Variants in NALCN observed in about 807,000 individuals in gnomAD.
NALCN encodes sodium leak channel NALCN.
In NALCN, 111 loss-of-function variants were observed where a neutral mutation model predicts 225.3. That is an observed-to-expected ratio of 0.49 (90% confidence interval 0.42 to 0.58). The LOEUF (loss-of-function observed/expected upper bound fraction) is 0.58. Among genes scored for constraint, NALCN ranks in the 20% least tolerant of loss-of-function variants. The pLI, the probability that NALCN is intolerant of heterozygous loss-of-function variation, is 0.00. For missense variants in NALCN, 1,378 were observed against 2,202.4 expected (o/e 0.63, Z 7.49); for synonymous variants, 764 against 769.0 (o/e 0.99, Z 0.11).
chr13:101,204,262 G>T (rs2040234455), intron 13 of NALCN, among the ~76,000 whole-genome samples: 1 of 152,154 alleles, frequency 6.6e-6, no homozygotes, highest in African/African-American at 2.4e-5. Flanking sequence ...GATTTAGGAG[G>T]AAATAAAGTT....
At chr13:101,321,385 T>C (rs987095205) in intron 7 of NALCN, among the ~76,000 whole-genome samples, 14 of 152,276 alleles carry the variant, frequency 9.2e-5, no homozygotes, top group African/African-American at 3.4e-4. Context: ...TCAGTTACTA[T>C]AAAGGAATAG....
At chr13:101,363,643 T>C (rs2139373057) in intron 6 of NALCN, among the ~76,000 whole-genome samples, 1 of 152,044 alleles carries the variant, frequency 6.6e-6, no homozygotes, top group South Asian at 2.1e-4. Context: ...AAGAAAACAT[T>C]GGGTAAATGC....
intron 7 of NALCN, among the ~76,000 whole-genome samples, chr13:101,301,481 G>A (rs746514081): frequency 3.9e-5 from 6 of 152,104 alleles, no homozygotes; most frequent in African/African-American, 9.7e-5. Context: ...CCAGCACTTC[G>A]GGAGGCCAAG....
chr13:101,346,085 C>CTATATA (rs1164298684), intron 6 of NALCN, among the ~76,000 whole-genome samples: 113 of 80,356 alleles, frequency 1.4e-3, no homozygotes, highest in African/African-American at 2.9e-3. Flanking sequence ...CTCTCTCTCT[C>CTATATA]TCTATATATA....
In NALCN at chr13:101,124,602, T is replaced by C; in HGVS notation, c.2192+6A>G. The C allele has an allele frequency of 6.2e-7, 1 of 1,611,656 alleles. No individual in the cohort carries two copies. The highest frequency in any genetic ancestry group is 8.5e-7 in the Non-Finnish European group (1 of 1,178,286). The stretch of plus-strand genomic sequence containing the variant: ...TTAAATATGTGTCAACATTAATTGG[T>C]GTTACCTTAAGATTTTAGTGACTGC... On this transcript the variant is annotated splice_donor_region_variant and intron_variant, in intron 18 of 43. Transcript: ENST00000251127.
chr13:101,198,532 A>G (rs1318979812), intron 13 of NALCN, among the ~76,000 whole-genome samples: 1 of 152,248 alleles, frequency 6.6e-6, no homozygotes, highest in African/African-American at 2.4e-5. Context: ...CAACAGACAC[A>G]TGAAAAAATG....
chr13:101,231,536 TA>T (rs756070009), intron 12 of NALCN, among the ~76,000 whole-genome samples: 1 of 152,092 alleles, frequency 6.6e-6, no homozygotes, highest in African/African-American at 2.4e-5. Context: ...CTCTAAGAAA[TA>T]AAAAAATGCT....
chr13:101,153,492 T>C (rs2037752506), intron 15 of NALCN, among the ~76,000 whole-genome samples: 1 of 152,196 alleles, frequency 6.6e-6, no homozygotes, highest in African/African-American at 2.4e-5. Context: ...GTTGTAAAAA[T>C]GAAAACGAAA....
At chr13:101,358,865 T>TA (rs2139353705) in intron 6 of NALCN, among the ~76,000 whole-genome samples, 1 of 152,222 alleles carries the variant, frequency 6.6e-6, no homozygotes, top group African/African-American at 2.4e-5. Context: ...TATGCAGCCA[T>TA]AAAAAGAAAT....
chr13:101,236,950 T>TATAAA lies in NALCN; in HGVS notation c.1434+800_1434+804dup, dbSNP rs71642581. On this transcript the variant is annotated intron_variant, in intron 12 of 43. Transcript: ENST00000251127. ...TAAAATAAAATAAAAAATAAAATAA[T>TATAAA]ATAAAATAAAATAAAATAAAATAAA... Among the ~76,000 whole-genome samples the TATAAA allele has an allele frequency of 1.0e-4, 15 of 148,262 alleles. No homozygotes were observed. In the South Asian group the frequency reaches 1.3e-3, roughly 12 times the overall value.
chr13:101,396,309 T>G (rs1460905310), intron 2 of NALCN, among the ~76,000 whole-genome samples: 5 of 152,110 alleles, frequency 3.3e-5, no homozygotes, highest in Non-Finnish European at 5.9e-5. Flanking sequence ...CCACCACAAT[T>G]AATATTACCA....
chr13:101,092,837 A>C (rs1467121403), intron 28 of NALCN, among the ~76,000 whole-genome samples: 3 of 152,162 alleles, frequency 2.0e-5, no homozygotes, highest in Admixed American at 2.0e-4. Flanking sequence ...TTAACATTAC[A>C]TGGAGATGAG....
chr13:101,083,259 G>C (rs1163801169), intron 31 of NALCN, 61 bp from the exon 32 acceptor site: 4 of 1,355,002 alleles, frequency 3.0e-6, no homozygotes, highest in Non-Finnish European at 4.2e-6. Flanking sequence ...CTTTCTTGTC[G>C]TTTATTTTCT....
chr13:101,240,579 AATC>A (rs1417290655), intron 11 of NALCN, among the ~76,000 whole-genome samples: 6 of 152,100 alleles, frequency 3.9e-5, no homozygotes, highest in African/African-American at 1.4e-4. Context: ...TTTTGGAGTT[AATC>A]ATATGAATGC....
chr13:101,065,944 C>G (rs1465784390), intron 39 of NALCN, among the ~76,000 whole-genome samples: 2 of 152,172 alleles, frequency 1.3e-5, no homozygotes, highest in African/African-American at 4.8e-5. Flanking sequence ...TGTACTCACA[C>G]AAGGTAATGG....
In NALCN at chr13:101,147,418, G is replaced by A. The variant is rs552370933; in HGVS notation, c.1840-2522C>T. 2.4e-4 allele frequency among the ~76,000 whole-genome samples: 35 copies of A among 145,568 alleles called. No individual in the cohort carries two copies. In the East Asian group the frequency reaches 3.0e-3, roughly 13 times the overall value. Reference sequence around the variant, plus strand: ...CTCCCAGGCTGGAGTGCAGTGGTGCGATCTTGGCTCACCGCAACCTCTGCC... The same window carrying A: ...CTCCCAGGCTGGAGTGCAGTGGTGCAATCTTGGCTCACCGCAACCTCTGCC... On this transcript the variant is annotated intron_variant, in intron 15 of 43. Transcript: ENST00000251127.
chr13:101,131,581 C>T (rs1024364571), intron 17 of NALCN, among the ~76,000 whole-genome samples: 2 of 152,096 alleles, frequency 1.3e-5, no homozygotes, highest in Non-Finnish European at 2.9e-5. Context: ...CTGGCCTGTT[C>T]AATTTTGATT....
chr13:101,134,727 C>A (rs1329731570), intron 17 of NALCN, among the ~76,000 whole-genome samples: 1 of 151,352 alleles, frequency 6.6e-6, no homozygotes, highest in Non-Finnish European at 1.5e-5. Flanking sequence ...TTTTTTTGCA[C>A]GTGAATGTTA....
intron 14 of NALCN, chr13:101,180,855 C>G (rs1223815349): frequency 5.8e-6 from 2 of 347,450 alleles, no homozygotes; most frequent in Non-Finnish European, 1.1e-5. Context: ...CTCTCTCTCT[C>G]TGCATCTGTC....
Sources: allele counts gnomAD v4.1 joint callset (sites outside exome capture counted in the v4.1 genomes callset), GRCh38; gene constraint gnomAD v4.1.1; transcripts MANE v1.5; gene names NCBI Gene and HGNC (gene_info 2026-07-23, HGNC 2026-07-21).